The following SMAD5 variants were observed in gnomAD, a reference collection of about 807,000 sequenced individuals.
The protein encoded by SMAD5 is MAD, mothers against decapentaplegic homolog 5.
SMAD5 carries 9 observed loss-of-function variants against 43.1 expected under a neutral mutation model. That is an observed-to-expected ratio of 0.21 (90% CI 0.13 to 0.36). The LOEUF (loss-of-function observed/expected upper bound fraction) is 0.36, where lower values mean the gene tolerates loss of function less well. Ranked by LOEUF, SMAD5 falls within the 10% of genes least tolerant of loss-of-function variation. The pLI is 1.00. For synonymous variants in SMAD5, 190 were observed against 192.4 expected (o/e 0.99, Z 0.10); for missense variants, 348 against 574.0 (o/e 0.61, Z 4.02).
intron 2 of SMAD5, among the ~76,000 whole-genome samples, chr5:136,148,610 T>C (rs1297843559): frequency 6.6e-6 from 1 of 151,878 alleles, no homozygotes; most frequent in Non-Finnish European, 1.5e-5. Context: ...TCAATGCTTA[T>C]GCTGCTTGCT....
intron 5 of SMAD5, among the ~76,000 whole-genome samples, chr5:136,164,452 C>G (rs892379765): frequency 6.6e-6 from 1 of 152,076 alleles, no homozygotes; most frequent in Non-Finnish European, 1.5e-5. Context: ...GTGTAAAGTG[C>G]TTATTGTGGT....
chr5:136,135,723 G>A (rs966435274), intron 1 of SMAD5, among the ~76,000 whole-genome samples: 1 of 152,118 alleles, frequency 6.6e-6, no homozygotes, highest in Non-Finnish European at 1.5e-5. Context: ...TGTTGGTCTA[G>A]GCAATGAGCC....
rs1476696614 is a variant in SMAD5, at chr5:136,174,407, G to A, written c.1029G>A (p.Val343=). 1.2e-6 allele frequency: 2 copies of A among 1,613,690 alleles called. No homozygotes were observed. The highest frequency in any genetic ancestry group is 1.7e-6 in the Non-Finnish European group (2 of 1,179,696). ...ATCTGTACTATGTTGGTGGAGAGGT[G>A]TATGCGGAATGCCTCAGTGACAGCA... ...GVHLYYVGGE[V]YAECLSDSSI... Residue 343 remains valine, a synonymous_variant, in exon 7 of 8, where the codon GTG becomes GTA. Coordinates refer to ENST00000545279, the MANE Select transcript of SMAD5 (RefSeq NM_005903.7).
chr5:136,173,326 G>GTAT (rs1234273425), intron 6 of SMAD5, among the ~76,000 whole-genome samples: 3 of 152,176 alleles, frequency 2.0e-5, no homozygotes, highest in African/African-American at 7.2e-5. Context: ...CAGGTAAAGT[G>GTAT]TATTGCCTGT....
chr5:136,161,649 T>A (rs1753829272), intron 4 of SMAD5, among the ~76,000 whole-genome samples: 1 of 152,224 alleles, frequency 6.6e-6, no homozygotes, highest in Non-Finnish European at 1.5e-5. Flanking sequence ...GTTAGATAAC[T>A]GATGAACTGA....
chr5:136,141,088 T>C (rs10036655), intron 1 of SMAD5, among the ~76,000 whole-genome samples: 51,585 of 151,892 alleles, frequency 0.34, 9,359 homozygotes, highest in African/African-American at 0.47. Flanking sequence ...TCAGGGAAGG[T>C]ATCTGGGATG....
At chr5:136,176,791 TTAAA>T (rs1754437410) in intron 7 of SMAD5, among the ~76,000 whole-genome samples, 1 of 152,212 alleles carries the variant, frequency 6.6e-6, no homozygotes, top group African/African-American at 2.4e-5. Context: ...AATTTTTCCT[TTAAA>T]TAGTCATTAA....
At chr5:136,151,661 G>C (rs1190549180) in intron 2 of SMAD5, among the ~76,000 whole-genome samples, 1 of 151,982 alleles carries the variant, frequency 6.6e-6, no homozygotes, top group Non-Finnish European at 1.5e-5. Flanking sequence ...CTGTCTCTCT[G>C]TTGCTCATAC....
intron 4 of SMAD5, among the ~76,000 whole-genome samples, chr5:136,161,922 A>G (rs1209381334): frequency 6.6e-6 from 1 of 152,224 alleles, no homozygotes; most frequent in African/African-American, 2.4e-5. Context: ...CTTGTGGTAT[A>G]TTTCTGGTCA....
Position 136,169,387 on chromosome 5 carries a change from C to T in SMAD5, c.776-3047C>T, listed in dbSNP as rs745824323. Among the ~76,000 whole-genome samples the T allele has an allele frequency of 1.9e-3, 283 of 152,252 alleles. 2 individuals are homozygous for T. The highest frequency in any genetic ancestry group is 6.4e-3 in the African/African-American group (267 of 41,550). ...TGACTCAAATGTTAATCTCCTTTGGCGACACACCCACAGACACACCCAAGA... is the reference window on the plus strand; with the variant it reads ...TGACTCAAATGTTAATCTCCTTTGGTGACACACCCACAGACACACCCAAGA... On this transcript the variant is annotated intron_variant, in intron 5 of 7. Transcript: ENST00000545279.
intron 5 of SMAD5, among the ~76,000 whole-genome samples, chr5:136,169,037 T>C (rs1561656101): frequency 6.6e-6 from 1 of 152,082 alleles, no homozygotes; most frequent in Non-Finnish European, 1.5e-5. Context: ...CATCTGCAAG[T>C]TGAGGAACAA....
At chr5:136,175,847 C>T (rs1015860523) in intron 7 of SMAD5, among the ~76,000 whole-genome samples, 3 of 152,124 alleles carry the variant, frequency 2.0e-5, no homozygotes, top group Admixed American at 2.0e-4. Flanking sequence ...ATTTTAATCT[C>T]CACTCCCCAA....
At chr5:136,142,394 G>GT (rs1218656770) in intron 1 of SMAD5, among the ~76,000 whole-genome samples, 3 of 152,010 alleles carry the variant, frequency 2.0e-5, no homozygotes, top group Non-Finnish European at 2.9e-5. Flanking sequence ...ATTTTATAAG[G>GT]TTTTCATTTA....
intron 1 of SMAD5, among the ~76,000 whole-genome samples, chr5:136,138,303 G>T (rs1580758622): frequency 6.6e-6 from 1 of 152,218 alleles, no homozygotes; most frequent in East Asian, 1.9e-4. Context: ...AGCTCCTGAA[G>T]GGCTTTGAAA....
At chr5:136,171,034 A>G (rs1005901786) in intron 5 of SMAD5, among the ~76,000 whole-genome samples, 8 of 152,120 alleles carry the variant, frequency 5.3e-5, no homozygotes, top group African/African-American at 1.9e-4. Flanking sequence ...CTCCTTTCCT[A>G]TCTGTGTACC....
At chr5:136,172,679 T>A (rs1754270021) in intron 6 of SMAD5, 24 bp downstream of exon 6, 1 of 1,419,816 alleles carries the variant, frequency 7.0e-7, no homozygotes, top group Non-Finnish European at 1.0e-6. Flanking sequence ...TTTCCTACAT[T>A]TAATCGAATT....
At chr5:136,167,476 A>G (rs868389216) in intron 5 of SMAD5, among the ~76,000 whole-genome samples, 5 of 152,118 alleles carry the variant, frequency 3.3e-5, no homozygotes, top group Non-Finnish European at 1.5e-5. Flanking sequence ...AAGTTAAACT[A>G]TTCTATTAAA....
intron 3 of SMAD5, among the ~76,000 whole-genome samples, chr5:136,157,385 T>C (rs1268179971): frequency 6.6e-6 from 1 of 152,214 alleles, no homozygotes; most frequent in Non-Finnish European, 1.5e-5. Flanking sequence ...GAAGACAGTC[T>C]TTCCATAGAA....
intron 3 of SMAD5, among the ~76,000 whole-genome samples, chr5:136,156,376 G>A (rs983943726): frequency 6.6e-6 from 1 of 152,142 alleles, no homozygotes; most frequent in African/African-American, 2.4e-5. Context: ...CCTGGAGGTG[G>A]GAATCACAGT....
Sources: gnomAD v4.1 joint callset for allele counts (sites outside exome capture counted in the v4.1 genomes callset) on GRCh38, gnomAD v4.1.1 for gene constraint, MANE v1.5 for transcripts, NCBI Gene and HGNC (gene_info 2026-07-23, HGNC 2026-07-21) for gene names.